Variants in CAMTA1 observed in about 807,000 individuals in gnomAD.
CAMTA1 encodes the protein calmodulin binding transcription activator 1, also known as calmodulin-binding transcription activator 1.
Under a neutral mutation model 170.9 loss-of-function variants are expected in CAMTA1, and 27 were observed. The observed-to-expected ratio is 0.16, with a 90% CI of 0.12 to 0.22. CAMTA1 has a LOEUF of 0.22. Among genes scored for constraint, CAMTA1 ranks in the 10% least tolerant of loss-of-function variants. The probability of loss-of-function intolerance (pLI) is 1.00; values close to 1 mark genes in which losing one functional copy is unlikely to be tolerated. For missense variants in CAMTA1, 1,619 were observed against 2,217.2 expected (o/e 0.73, Z 5.42); for synonymous variants, 833 against 891.5 (o/e 0.93, Z 1.17).
chr1:7,405,901 G>C (rs1055495821), intron 5 of CAMTA1, among the ~76,000 whole-genome samples: 7 of 152,178 alleles, frequency 4.6e-5, no homozygotes, highest in African/African-American at 1.4e-4. Flanking sequence ...GGACAGAAGG[G>C]GGCACCGTTC....
chr1:7,544,438 C>T (rs561549038), intron 6 of CAMTA1, among the ~76,000 whole-genome samples: 6 of 152,288 alleles, frequency 3.9e-5, no homozygotes, highest in South Asian at 2.1e-4. Flanking sequence ...TCTTTCCCAC[C>T]GGTGTTGAGG....
chr1:7,066,155 T>C (rs1231333361), intron 3 of CAMTA1, among the ~76,000 whole-genome samples: 2 of 152,232 alleles, frequency 1.3e-5, no homozygotes, highest in Admixed American at 1.3e-4. Context: ...GAGGGGTCTT[T>C]TCTCTCTGGC....
chr1:7,680,930 G>A lies in CAMTA1; in HGVS notation c.2914+3197G>A, dbSNP rs1318579785. On this transcript the variant is annotated intron_variant, in intron 11 of 22. Transcript: ENST00000303635. This position sits in a 1 kb window ranked among gnomAD's most constrained non-coding sequence, Gnocchi z 4.4. Reference sequence around the variant, plus strand: ...CCCGCGGCGCAGCCTTTGTCCCCGCGGCGTAGCTTTTGTTTGCGCAGCCCC... The same window carrying A: ...CCCGCGGCGCAGCCTTTGTCCCCGCAGCGTAGCTTTTGTTTGCGCAGCCCC... Among the ~76,000 whole-genome samples, 4 of 149,028 alleles carry A rather than the reference G, an allele frequency of 2.7e-5. No homozygotes were observed. The highest frequency in any genetic ancestry group is 9.8e-5 in the African/African-American group (4 of 40,736).
intron 3 of CAMTA1, among the ~76,000 whole-genome samples, chr1:6,837,647 G>A (rs750282947): frequency 3.3e-5 from 5 of 152,126 alleles, no homozygotes; most frequent in African/African-American, 7.2e-5. Context: ...CAACAGATCC[G>A]CATTCCTGGT....
intron 3 of CAMTA1, among the ~76,000 whole-genome samples, chr1:6,862,132 T>C (rs1664950824): frequency 6.6e-6 from 1 of 152,134 alleles, no homozygotes; most frequent in East Asian, 1.9e-4. Context: ...CTGGCTACTT[T>C]TTATATTTTT....
At chr1:7,645,502 C>T (rs191043924) in intron 7 of CAMTA1, among the ~76,000 whole-genome samples, 182 of 152,384 alleles carry the variant, frequency 1.2e-3, no homozygotes, top group African/African-American at 4.3e-3. Flanking sequence ...GTTCACAGCC[C>T]TTCCCGTGTG....
rs528028295 is a variant in CAMTA1 at position 6,898,840 on chromosome 1, C to T, written c.234+73630C>T. Among the ~76,000 whole-genome samples, 7 of 152,330 alleles carry T rather than the reference C, an allele frequency of 4.6e-5. No individual in the cohort carries two copies. The South Asian group carries it at 1.0e-3, about 23-fold the overall frequency. ...GACCTCCAGCCTCTTGTTGCCTAGC[C>T]GACCTCCAAACAGGTAGCTGGCCAA... On this transcript the variant is annotated intron_variant, in intron 3 of 22. Coordinates refer to ENST00000303635, the MANE Select transcript of CAMTA1 (RefSeq NM_015215.4).
At position 7,751,377 on chromosome 1, in the gene CAMTA1, T is replaced by C. The variant is rs1259224111; in HGVS notation, c.4868T>C (p.Val1623Ala). Residue 1623 changes from valine to alanine, a missense_variant, in exon 20 of 23, where the codon GTA becomes GCA. Transcript: ENST00000303635. ...RRQARRTAVI[V>A]QQKLRSSLLT... Reference sequence around the variant, plus strand: ...CAGGCTCGCCGGACGGCTGTGATTGTACAACAGAAACTCAGGTGGGTGGAG... The same window carrying C: ...CAGGCTCGCCGGACGGCTGTGATTGCACAACAGAAACTCAGGTGGGTGGAG... 5 of 1,596,278 alleles carry C rather than the reference T, an allele frequency of 3.1e-6. No individual in the cohort carries two copies. Among genetic ancestry groups the C allele is most frequent in the Non-Finnish European group, 4.3e-6 (5 of 1,174,340 alleles).
At chr1:7,045,259 G>T (rs1427147207) in intron 3 of CAMTA1, among the ~76,000 whole-genome samples, 5 of 152,152 alleles carry the variant, frequency 3.3e-5, no homozygotes, top group Non-Finnish European at 5.9e-5. Flanking sequence ...CCAAAAGCTT[G>T]CTCCTTATCC....
At chr1:7,133,858 G>A (rs1377258566) in intron 4 of CAMTA1, among the ~76,000 whole-genome samples, 1 of 152,178 alleles carries the variant, frequency 6.6e-6, no homozygotes, top group Non-Finnish European at 1.5e-5. Context: ...TAGAGTCATA[G>A]ATTATTTGGT....
intron 6 of CAMTA1, among the ~76,000 whole-genome samples, chr1:7,530,509 A>C (rs953530312): frequency 6.6e-6 from 1 of 152,044 alleles, no homozygotes; most frequent in African/African-American, 2.4e-5. Flanking sequence ...TGTCCACTGT[A>C]ACCCAGGTAT....
chr1:6,983,636 A>G (rs1270176560), intron 3 of CAMTA1, among the ~76,000 whole-genome samples: 1 of 152,086 alleles, frequency 6.6e-6, no homozygotes, highest in African/African-American at 2.4e-5. Flanking sequence ...TCAGTAGCCC[A>G]GTAGCTGGTA....
At chr1:7,370,964 T>G (rs1402693226) in intron 5 of CAMTA1, among the ~76,000 whole-genome samples, 1 of 128,870 alleles carries the variant, frequency 7.8e-6, no homozygotes, top group Non-Finnish European at 1.6e-5. Flanking sequence ...CAGGCTGGAG[T>G]GCAGTGGCGC....
At chr1:7,564,730 G>T (rs1341543232) in intron 6 of CAMTA1, among the ~76,000 whole-genome samples, 1 of 152,124 alleles carries the variant, frequency 6.6e-6, no homozygotes. Context: ...TGGAGTGAGG[G>T]CTCAGGGACT....
intron 3 of CAMTA1, among the ~76,000 whole-genome samples, chr1:6,995,619 A>G (rs1384130825): frequency 6.6e-6 from 1 of 152,138 alleles, no homozygotes; most frequent in Non-Finnish European, 1.5e-5. Context: ...TTTGTCTTCC[A>G]ATTTCAACAT....
chr1:7,284,168 CTTCTTCTTCTTATTA>C lies in CAMTA1; in HGVS notation c.438+34545_438+34559del, dbSNP rs1458551773. The stretch of plus-strand genomic sequence containing the variant: ...TCTTCTTCTTCTTCTTCTTCTTCTT[CTTCTTCTTCTTATTA>C]TTATTATTATTATTATTATTATTAT... On this transcript the variant is annotated intron_variant, in intron 5 of 22. Coordinates refer to ENST00000303635, the MANE Select transcript of CAMTA1 (RefSeq NM_015215.4). Among the ~76,000 whole-genome samples the C allele has an allele frequency of 1.9e-3, 228 of 116,976 alleles. 1 individual carries two copies. The highest frequency in any genetic ancestry group is 5.6e-3 in the African/African-American group (162 of 28,782). 76.7% of individuals were successfully genotyped at this position (116,976 alleles called of 152,430 possible).
intron 11 of CAMTA1, chr1:7,694,040 T>G (rs2096348163): frequency 6.6e-6 from 1 of 152,252 alleles, no homozygotes; most frequent in Non-Finnish European, 1.5e-5. Flanking sequence ...GGCTTAGAGT[T>G]CACCTCCCAG....
intron 11 of CAMTA1, among the ~76,000 whole-genome samples, chr1:7,726,363 A>G (rs527906568): frequency 1.3e-5 from 2 of 152,112 alleles, no homozygotes; most frequent in African/African-American, 4.8e-5. Context: ...GATACAAACT[A>G]TATGTATTTA....
intron 5 of CAMTA1, among the ~76,000 whole-genome samples, chr1:7,395,116 C>T (rs961042654): frequency 2.0e-5 from 3 of 152,276 alleles, no homozygotes; most frequent in Non-Finnish European, 4.4e-5. Flanking sequence ...CTCCTGACCT[C>T]GGGTGATCCA....
Sources: gnomAD v4.1 joint callset for allele counts (sites outside exome capture counted in the v4.1 genomes callset) on GRCh38, gnomAD v4.1.1 for gene constraint, Gnocchi (gnomAD v3.1) non-coding constraint, MANE v1.5 for transcripts, NCBI Gene and HGNC (gene_info 2026-07-23, HGNC 2026-07-21) for gene names.